The following ADARB2 variants were observed in gnomAD, a reference collection of about 807,000 sequenced individuals.
The protein encoded by ADARB2 is adenosine deaminase RNA specific B2 (inactive).
Under a neutral mutation model 62.2 loss-of-function variants are expected in ADARB2, and 25 were observed. The observed-to-expected ratio is 0.40, with a 90% CI of 0.29 to 0.56. ADARB2 has a LOEUF of 0.56. Ranked by LOEUF, ADARB2 falls within the 20% of genes least tolerant of loss-of-function variation. The pLI is 0.43. For missense variants in ADARB2, 1,071 were observed against 1,077.4 expected (o/e 0.99, Z 0.08); for synonymous variants, 572 against 500.8 (o/e 1.14, Z -1.90).
chr10:1,369,406 A>G (rs1386688875), intron 2 of ADARB2, among the ~76,000 whole-genome samples: 1 of 152,034 alleles, frequency 6.6e-6, no homozygotes, highest in Non-Finnish European at 1.5e-5. Flanking sequence ...CTGGGGGACT[A>G]TCGGCCTCCC....
At chr10:1,460,659 A>G (rs1400437827) in intron 1 of ADARB2, among the ~76,000 whole-genome samples, 27 of 86,348 alleles carry the variant, frequency 3.1e-4, no homozygotes, top group South Asian at 6.5e-4. Flanking sequence ...TACCTGTGTA[A>G]CGAACCTGCC....
intron 1 of ADARB2, among the ~76,000 whole-genome samples, chr10:1,414,383 G>A (rs553190090): frequency 3.6e-4 from 55 of 152,298 alleles, no homozygotes; most frequent in East Asian, 5.8e-4. Flanking sequence ...CTACCCTGAC[G>A]TACCGTAATC....
chr10:1,549,341 G>A (rs952079149), intron 1 of ADARB2, among the ~76,000 whole-genome samples: 2 of 152,186 alleles, frequency 1.3e-5, no homozygotes, highest in African/African-American at 4.8e-5. Context: ...CTGTTTAGCA[G>A]GGACACAAGG....
At chr10:1,610,610 A>C (rs1309544735) in intron 1 of ADARB2, among the ~76,000 whole-genome samples, 2 of 152,200 alleles carry the variant, frequency 1.3e-5, no homozygotes, top group Non-Finnish European at 2.9e-5. Flanking sequence ...CTTCCTCGTC[A>C]GAGCCCTCGT....
At chr10:1,453,278 G>A (rs762294157) in intron 1 of ADARB2, among the ~76,000 whole-genome samples, 10 of 152,106 alleles carry the variant, frequency 6.6e-5, no homozygotes, top group Non-Finnish European at 1.2e-4. Context: ...ATGTGATGAC[G>A]TTCAATTTCT....
intron 3 of ADARB2, among the ~76,000 whole-genome samples, chr10:1,329,832 G>A (rs908879035): frequency 6.6e-6 from 1 of 152,006 alleles, no homozygotes; most frequent in Non-Finnish European, 1.5e-5. Context: ...CCAGGCAGGG[G>A]TGGTTATCCC....
intron 2 of ADARB2, among the ~76,000 whole-genome samples, chr10:1,377,700 A>C (rs1400176252): frequency 6.6e-6 from 1 of 152,042 alleles, no homozygotes; most frequent in Non-Finnish European, 1.5e-5. Flanking sequence ...GCTGTGCTAG[A>C]GAGGGAGCAC....
chr10:1,226,176 A>C (rs1324533525), intron 6 of ADARB2, among the ~76,000 whole-genome samples: 2 of 152,048 alleles, frequency 1.3e-5, no homozygotes, highest in Admixed American at 6.6e-5. Flanking sequence ...TCCATCACTG[A>C]TACCCTTTCT....
chr10:1,233,593 C>A (rs1306069544), intron 6 of ADARB2, 101 bp downstream of exon 6: 15 of 1,291,378 alleles, frequency 1.2e-5, no homozygotes, highest in African/African-American at 1.5e-5. Context: ...GGGCCCCACA[C>A]ACCGCGCCCC....
At chr10:1,567,532 C>T (rs1038074700) in intron 1 of ADARB2, among the ~76,000 whole-genome samples, 3 of 152,146 alleles carry the variant, frequency 2.0e-5, no homozygotes, top group Admixed American at 1.3e-4. Context: ...GCAAACTGCC[C>T]CCACTCTGAA....
chr10:1,229,767 C>G (rs916906387), intron 6 of ADARB2, among the ~76,000 whole-genome samples: 1 of 24,742 alleles, frequency 4.0e-5, no homozygotes, highest in African/African-American at 1.7e-4. Context: ...CATGTGTGCA[C>G]ATATGTGCTT....
intron 5 of ADARB2, among the ~76,000 whole-genome samples, chr10:1,234,893 T>TGC (rs543740372): frequency 6.6e-6 from 1 of 151,906 alleles, no homozygotes; most frequent in South Asian, 2.1e-4. Context: ...GGATTACAGG[T>TGC]GCATGCCACC....
chr10:1,580,306 C>G (rs1410316613), intron 1 of ADARB2, among the ~76,000 whole-genome samples: 3 of 152,096 alleles, frequency 2.0e-5, no homozygotes, highest in Non-Finnish European at 4.4e-5. Flanking sequence ...ATTGGTCCTT[C>G]TTTGTGTTCA....
chr10:1,647,403 A>G (rs929217263), intron 1 of ADARB2, among the ~76,000 whole-genome samples: 1 of 144,056 alleles, frequency 6.9e-6, no homozygotes, highest in Admixed American at 7.1e-5. Context: ...ATGTGCATAC[A>G]TGTGTGTGCA....
chr10:1,546,688 G>A (rs1832525407), intron 1 of ADARB2, among the ~76,000 whole-genome samples: 1 of 152,240 alleles, frequency 6.6e-6, no homozygotes, highest in Non-Finnish European at 1.5e-5. Flanking sequence ...GTCCCGGCTG[G>A]AGGATGGTAA....
intron 1 of ADARB2, among the ~76,000 whole-genome samples, chr10:1,495,529 T>C (rs1213637927): frequency 6.6e-6 from 1 of 152,248 alleles, no homozygotes; most frequent in Non-Finnish European, 1.5e-5. Flanking sequence ...TCCAGCCCAA[T>C]GCTACATTTT....
intron 2 of ADARB2, among the ~76,000 whole-genome samples, chr10:1,370,858 G>A (rs1157795524): frequency 4.6e-5 from 7 of 152,222 alleles, no homozygotes; most frequent in African/African-American, 1.7e-4. Context: ...AATCAGTGTT[G>A]TTAAAATGTC....
intron 3 of ADARB2, among the ~76,000 whole-genome samples, chr10:1,328,996 T>TTA (rs770240850): frequency 7.9e-5 from 6 of 75,680 alleles, no homozygotes; most frequent in African/African-American, 2.9e-4. Context: ...GACCCTGTCT[T>TTA]AAAAAAAAAA....
At chr10:1,688,772 A>G (rs936095803) in intron 1 of ADARB2, among the ~76,000 whole-genome samples, 12 of 152,078 alleles carry the variant, frequency 7.9e-5, no homozygotes, top group African/African-American at 2.9e-4. Context: ...CGCTGACTCA[A>G]CCCTGACCCT....
Sources: allele counts gnomAD v4.1 joint callset (sites outside exome capture counted in the v4.1 genomes callset), GRCh38; gene constraint gnomAD v4.1.1; transcripts MANE v1.5; gene names NCBI Gene and HGNC (gene_info 2026-07-23, HGNC 2026-07-21).